UNC13C: variants seen among roughly 807,000 people sequenced by gnomAD.
The protein encoded by UNC13C is unc-13 homolog C.
UNC13C carries 174 observed loss-of-function variants against 245.4 expected under a neutral mutation model. The ratio of observed to expected loss-of-function variants is 0.71; its 90% CI spans 0.63 to 0.80. The LOEUF is 0.80. Ranked by LOEUF, UNC13C falls within the 30% of genes least tolerant of loss-of-function variation. The pLI, the probability that UNC13C is intolerant of heterozygous loss-of-function variation, is 0.00. For synonymous variants in UNC13C, 992 were observed against 895.1 expected, an observed-to-expected ratio of 1.11 and a Z score of -1.93; for missense variants, 2,829 against 2,602.9, an observed-to-expected ratio of 1.09 and a Z score of -1.89.
At chr15:54,478,638 TC>T (rs1892914688) in intron 19 of UNC13C, among the ~76,000 whole-genome samples, 1 of 151,588 alleles carries the variant, frequency 6.6e-6, no homozygotes, top group African/African-American at 2.4e-5. Flanking sequence ...AGTTTCTTAA[TC>T]CTGAGTTCTA....
chr15:54,478,404 G>C (rs12898516), intron 19 of UNC13C, among the ~76,000 whole-genome samples: 3,295 of 91,326 alleles, frequency 0.036, 110 homozygotes, highest in East Asian at 0.061. Context: ...TGTGATATTA[G>C]GGTGTCAATT....
chr15:54,014,812 T>C lies in UNC13C; in HGVS notation c.1909T>C (p.Ser637Pro). The change falls in exon 2 of 33, where the codon TCT becomes CCT. Residue 637 changes from serine to proline, a missense_variant. Transcript: ENST00000260323. ...SGMSNGMVCA[S>P]GDRSHYSDSQ... ...AATGAGTAATGGCATGGTGTGTGCA[T>C]CTGGAGACCGGAGTCATTACAGTGA... 1 of 1,613,814 alleles carries C rather than the reference T, an allele frequency of 6.2e-7. No individual in the cohort carries two copies. Among genetic ancestry groups the C allele is most frequent in the Non-Finnish European group, 8.5e-7 (1 of 1,179,834 alleles).
the UNC13C span, among the ~76,000 whole-genome samples, chr15:53,856,359 T>A: frequency 4.2e-5 from 6 of 141,388 alleles, no homozygotes; most frequent in South Asian, 1.4e-3. Flanking sequence ...GTTTGTGTGC[T>A]CTTGGTTCTC....
chr15:54,034,676 A>T (rs181428123), intron 2 of UNC13C, among the ~76,000 whole-genome samples: 8 of 152,320 alleles, frequency 5.3e-5, no homozygotes, highest in Admixed American at 3.9e-4. Context: ...TTGCATGCAT[A>T]CTACTGTACA....
intron 19 of UNC13C, among the ~76,000 whole-genome samples, chr15:54,475,521 T>C (rs1892689043): frequency 6.6e-6 from 1 of 151,386 alleles, no homozygotes; most frequent in Non-Finnish European, 1.5e-5. Flanking sequence ...TGTGTTCTCA[T>C]TGTTCAATTC....
chr15:54,419,311 G>T (rs759921775), intron 19 of UNC13C, among the ~76,000 whole-genome samples: 1 of 152,108 alleles, frequency 6.6e-6, no homozygotes, highest in African/African-American at 2.4e-5. Context: ...CAAATGGAAA[G>T]AACAGGACTA....
intron 31 of UNC13C, among the ~76,000 whole-genome samples, chr15:54,623,500 C>T (rs755922125): frequency 2.6e-5 from 4 of 152,032 alleles, no homozygotes; most frequent in East Asian, 1.9e-4. Context: ...ATGTTCAATA[C>T]GAACAACACC....
intron 16 of UNC13C, among the ~76,000 whole-genome samples, chr15:54,335,936 T>A (rs1168318377): frequency 6.6e-6 from 1 of 152,154 alleles, no homozygotes; most frequent in East Asian, 1.9e-4. Context: ...CTCTTGGGAT[T>A]TTCCATGTTA....
intron 4 of UNC13C, among the ~76,000 whole-genome samples, chr15:54,228,174 C>T (rs988100853): frequency 2.0e-5 from 3 of 152,060 alleles, no homozygotes; most frequent in Non-Finnish European, 2.9e-5. Context: ...CTACAGTCAG[C>T]GTTCATTCAA....
At chr15:54,137,752 T>C (rs1455744217) in intron 2 of UNC13C, among the ~76,000 whole-genome samples, 1 of 152,156 alleles carries the variant, frequency 6.6e-6, no homozygotes, top group Non-Finnish European at 1.5e-5. Context: ...GACAATTTTG[T>C]TTATATTTTC....
At chr15:53,962,468 G>T in the UNC13C span, among the ~76,000 whole-genome samples, 1 of 152,028 alleles carries the variant, frequency 6.6e-6, no homozygotes, top group South Asian at 2.1e-4. Context: ...ATTTTCATGT[G>T]TGAGTATGTG....
At chr15:54,394,401 A>T (rs150804098) in intron 18 of UNC13C, among the ~76,000 whole-genome samples, 5 of 151,598 alleles carry the variant, frequency 3.3e-5, no homozygotes, top group African/African-American at 1.2e-4. Context: ...CTCTGTACAG[A>T]CTTTGCTCTT....
At chr15:54,375,168 G>T (rs2039578838) in intron 17 of UNC13C, among the ~76,000 whole-genome samples, 1 of 152,194 alleles carries the variant, frequency 6.6e-6, no homozygotes, top group South Asian at 2.1e-4. Context: ...ACTGCACTAG[G>T]TAAAGCTTGG....
rs2035956363 is a variant in UNC13C at position 54,245,040 on chromosome 15, G to A, written c.3229-5185G>A. Among the ~76,000 whole-genome samples the A allele has an allele frequency of 2.0e-5, 3 of 152,192 alleles. No homozygotes were observed. In the South Asian group the frequency reaches 6.2e-4, roughly 32 times the overall value. On this transcript the variant is annotated intron_variant, in intron 7 of 32. Transcript: ENST00000260323. The stretch of plus-strand genomic sequence containing the variant: ...GTAACAGAGGGCATCCTTGTCTTAT[G>A]CTGGTTTTAGACTCATAAGAATGCA...
chr15:54,493,260 C>G (rs1052260735), intron 19 of UNC13C, among the ~76,000 whole-genome samples: 1 of 152,046 alleles, frequency 6.6e-6, no homozygotes, highest in Non-Finnish European at 1.5e-5. Context: ...TTTGGAGGAA[C>G]CTAAAGCAAA....
chr15:54,296,050 A>G (rs2037420052), intron 11 of UNC13C, among the ~76,000 whole-genome samples: 1 of 152,200 alleles, frequency 6.6e-6, no homozygotes. Context: ...GTGTCCAAGC[A>G]GAGCCTGCTT....
chr15:54,586,076 A>G (rs1330390652), intron 30 of UNC13C, among the ~76,000 whole-genome samples: 1 of 152,198 alleles, frequency 6.6e-6, no homozygotes, highest in African/African-American at 2.4e-5. Flanking sequence ...ATAATTTTCA[A>G]AGTGATGATT....
At chr15:53,899,713 C>T in the UNC13C span, among the ~76,000 whole-genome samples, 2 of 152,132 alleles carry the variant, frequency 1.3e-5, no homozygotes, top group Admixed American at 6.5e-5. Flanking sequence ...TACAGGCATG[C>T]GCCACCATGC....
At chr15:54,132,216 G>A (rs1037863564) in intron 2 of UNC13C, among the ~76,000 whole-genome samples, 1 of 151,706 alleles carries the variant, frequency 6.6e-6, no homozygotes, top group Non-Finnish European at 1.5e-5. Flanking sequence ...GACTACAGGC[G>A]GCTGCCACCA....
Sources: allele counts gnomAD v4.1 joint callset (sites outside exome capture counted in the v4.1 genomes callset), GRCh38; gene constraint gnomAD v4.1.1; transcripts MANE v1.5; gene names NCBI Gene and HGNC (gene_info 2026-07-23, HGNC 2026-07-21).